AEBP2: variants seen among roughly 807,000 people sequenced by gnomAD.
AEBP2 encodes the protein AE binding protein 2.
Under a neutral mutation model 50.8 loss-of-function variants are expected in AEBP2, and 10 were observed. That is an observed-to-expected ratio of 0.20 (90% CI 0.12 to 0.33). The LOEUF is 0.33. AEBP2 is among the 10% of genes least tolerant of loss of function. The pLI, the probability that AEBP2 is intolerant of heterozygous loss-of-function variation, is 1.00. For missense variants in AEBP2, 570 were observed against 688.0 expected (o/e 0.83, Z 1.92); for synonymous variants, 296 against 261.3 (o/e 1.13, Z -1.28).
At chr12:19,426,149 T>A (rs982901185) in intron 1 of AEBP2, among the ~76,000 whole-genome samples, 1 of 152,140 alleles carries the variant, frequency 6.6e-6, no homozygotes, top group African/African-American at 2.4e-5. Flanking sequence ...TTGCCCAGGC[T>A]GATCTCAAAC....
chr12:19,483,621 C>T (rs894411984), intron 3 of AEBP2, among the ~76,000 whole-genome samples: 4 of 152,150 alleles, frequency 2.6e-5, no homozygotes, highest in Admixed American at 1.3e-4. Flanking sequence ...CATCTTCCTC[C>T]TCCCGATTGT....
chr12:19,475,274 T>C (rs1479700722), intron 3 of AEBP2, among the ~76,000 whole-genome samples: 1 of 151,698 alleles, frequency 6.6e-6, no homozygotes, highest in African/African-American at 2.4e-5. Flanking sequence ...ATCATTCTTA[T>C]GCCTGCTCAT....
intron 4 of AEBP2, among the ~76,000 whole-genome samples, chr12:19,497,352 T>TTTTG (rs71067031): frequency 1.3e-4 from 19 of 144,898 alleles, no homozygotes; most frequent in Admixed American, 3.5e-4. Flanking sequence ...TTTTTTTTTT[T>TTTTG]GAGACAGAGT....
chr12:19,452,027 A>T (rs944331322), intron 1 of AEBP2, among the ~76,000 whole-genome samples: 2 of 152,258 alleles, frequency 1.3e-5, no homozygotes, highest in East Asian at 3.9e-4. Flanking sequence ...AGTAGCTGGG[A>T]TTACAGGCAT....
intron 2 of AEBP2, among the ~76,000 whole-genome samples, chr12:19,467,520 C>T (rs1948498829): frequency 1.3e-5 from 2 of 151,796 alleles, no homozygotes; most frequent in African/African-American, 4.8e-5. Context: ...TCTCGAACAC[C>T]TGACCTCAGG....
chr12:19,417,273 C>A (rs574657451), intron 1 of AEBP2, among the ~76,000 whole-genome samples: 1 of 152,256 alleles, frequency 6.6e-6, no homozygotes, highest in South Asian at 2.1e-4. Context: ...TCTAAATACA[C>A]GCCGTACAAC....
Position 19,440,220 on chromosome 12 carries a change from G to A in AEBP2, c.521G>A (p.Gly174Asp). 6.8e-7 allele frequency: 1 copy of A among 1,466,036 alleles called. No homozygotes were observed. Among genetic ancestry groups the A allele is most frequent in the Non-Finnish European group, 8.9e-7 (1 of 1,121,944 alleles). 90.8% of individuals were successfully genotyped at this position (1,466,036 alleles called of 1,614,324 possible). A position where few individuals can be genotyped will look rare whatever the true frequency, so the allele number is the denominator to read the frequency against. ...GGCAGCCAGGGCGGCGGCGGGGGCG[G>A]CAGCAGTAGCAGCAGCGTAGTCTCC... ...PRGSQGGGGG[G>D]SSSSSVVSSG... Residue 174 changes from glycine to aspartate, a missense_variant, in exon 1 of 8, where the codon GGC (glycine) becomes GAC (aspartate). By Grantham distance (94) the Gly-to-Asp change is moderately conservative. Coordinates refer to ENST00000266508, the MANE Select transcript of AEBP2 (RefSeq NM_153207.5).
At chr12:19,431,198 G>T (rs1197685960) in intron 1 of AEBP2, among the ~76,000 whole-genome samples, 1 of 152,238 alleles carries the variant, frequency 6.6e-6, no homozygotes, top group East Asian at 1.9e-4. Flanking sequence ...AAGGAGGGCT[G>T]GTTGCTTTAT....
At chr12:19,471,861 G>A (rs911703804) in intron 2 of AEBP2, among the ~76,000 whole-genome samples, 2 of 151,914 alleles carry the variant, frequency 1.3e-5, no homozygotes, top group Non-Finnish European at 2.9e-5. Flanking sequence ...TTTTTTTTCT[G>A]TTCCTACATT....
At chr12:19,433,778 G>A (rs887391076) in intron 1 of AEBP2, among the ~76,000 whole-genome samples, 1 of 151,972 alleles carries the variant, frequency 6.6e-6, no homozygotes, top group Middle Eastern at 3.4e-3. Flanking sequence ...GCTCTAGCCT[G>A]GGTGAAAGAG....
In AEBP2 at chr12:19,406,733, C is replaced by T. The variant is rs139537901; in HGVS notation, c.-17+2517C>T. Among the ~76,000 whole-genome samples, 96 of 152,150 alleles carry T rather than the reference C, an allele frequency of 6.3e-4. 3 individuals carry two copies. The East Asian group carries it at 0.016, about 25-fold the overall frequency. Reference sequence around the variant, plus strand: ...TCTATTTTATCAATTATTTCTCTCACGGATCTTGCCTTTGGTGTTCTATCT... The same window carrying T: ...TCTATTTTATCAATTATTTCTCTCATGGATCTTGCCTTTGGTGTTCTATCT... On this transcript the variant is annotated intron_variant, in intron 1 of 3. Coordinates refer to the AEBP2 transcript ENST00000538425.
intron 7 of AEBP2, among the ~76,000 whole-genome samples, chr12:19,516,554 T>G (rs1377437363): frequency 1.3e-5 from 2 of 152,210 alleles, no homozygotes; most frequent in Admixed American, 1.3e-4. Context: ...TTAGTGAAAG[T>G]GACTTAAAAC....
intron 4 of AEBP2, 66 bp from the exon 5 acceptor site, chr12:19,500,031 C>T (rs1025715070): frequency 1.6e-5 from 22 of 1,382,512 alleles, no homozygotes; most frequent in Non-Finnish European, 2.0e-5. Context: ...TTAATTGTTT[C>T]CATCTTTATT....
chr12:19,421,875 TGTG>T (rs2153364491), intron 1 of AEBP2, among the ~76,000 whole-genome samples: 2 of 152,140 alleles, frequency 1.3e-5, no homozygotes, highest in Middle Eastern at 3.4e-3. Context: ...CAAGGATAGG[TGTG>T]GTGGCTCTCG....
intron 3 of AEBP2, among the ~76,000 whole-genome samples, chr12:19,475,750 A>G (rs1948640477): frequency 6.6e-6 from 1 of 152,084 alleles, no homozygotes; most frequent in Non-Finnish European, 1.5e-5. Context: ...CCATGCCAAC[A>G]TCTGTTGTTT....
rs191215856 is a variant in AEBP2, at chr12:19,423,918, G to A, written c.-17+19702G>A. On this transcript the variant is annotated intron_variant, in intron 1 of 3. Transcript: ENST00000538425. ...CAGTCCTCCTCATGTTATGTGAGAC[G>A]GAAACACATAAAATTTTATATATTG... Among the ~76,000 whole-genome samples, 1,229 of 152,254 alleles carry A rather than the reference G, an allele frequency of 8.1e-3. 18 individuals are homozygous for A. The highest frequency in any genetic ancestry group is 0.028 in the African/African-American group (1,155 of 41,550).
chr12:19,466,205 A>G (rs1284687540), intron 2 of AEBP2, among the ~76,000 whole-genome samples: 1 of 152,126 alleles, frequency 6.6e-6, no homozygotes, highest in African/African-American at 2.4e-5. Context: ...GGCTGGTCAC[A>G]GTAATCCCAG....
At chr12:19,491,443 T>C (rs964993205) in intron 3 of AEBP2, among the ~76,000 whole-genome samples, 1 of 152,208 alleles carries the variant, frequency 6.6e-6, no homozygotes, top group East Asian at 1.9e-4. Flanking sequence ...CTGCTTTATA[T>C]GTATGTTTTG....
intron 4 of AEBP2, among the ~76,000 whole-genome samples, chr12:19,499,615 T>TAAA (rs59023233): frequency 6.8e-6 from 1 of 146,078 alleles, no homozygotes; most frequent in Non-Finnish European, 1.5e-5. Flanking sequence ...CTCTGTCTCT[T>TAAA]AAAAAAAAAA....
Sources: allele counts gnomAD v4.1 joint callset (sites outside exome capture counted in the v4.1 genomes callset), GRCh38; gene constraint gnomAD v4.1.1; transcripts MANE v1.5; gene names NCBI Gene and HGNC (gene_info 2026-07-23, HGNC 2026-07-21).